CAST: variants seen among roughly 807,000 people sequenced by gnomAD.
CAST encodes the protein calpastatin, also known as MIR583 host.
In CAST, 76 loss-of-function variants were observed where a neutral mutation model predicts 119.6. That is an observed-to-expected ratio of 0.64 (90% CI 0.53 to 0.77). The LOEUF (loss-of-function observed/expected upper bound fraction) is 0.77. Among genes scored for constraint, CAST ranks in the 30% least tolerant of loss-of-function variants. CAST has a pLI of 0.00. For missense variants in CAST, 953 were observed against 946.5 expected (o/e 1.01, Z -0.09); for synonymous variants, 319 against 331.6 (o/e 0.96, Z 0.41).
At chr5:96,149,541 C>G in the CAST span, among the ~76,000 whole-genome samples, 77 of 152,280 alleles carry the variant, frequency 5.1e-4, 1 homozygote, top group East Asian at 0.013. Flanking sequence ...TTTTCCAAGG[C>G]TGCCCCTGTG....
chr5:96,425,033 AAAGAAAG>A, the CAST span, among the ~76,000 whole-genome samples: 2 of 102,226 alleles, frequency 2.0e-5, no homozygotes, highest in Admixed American at 8.7e-5. Flanking sequence ...AGAAAGAAAG[AAAGAAAG>A]AAAGAAAGAA....
At chr5:96,154,113 T>TA in the CAST span, among the ~76,000 whole-genome samples, 7 of 151,802 alleles carry the variant, frequency 4.6e-5, no homozygotes, top group African/African-American at 1.7e-4. Context: ...CCGTCTCTAC[T>TA]AAAAAAACCG....
At chr5:96,718,460 G>A (rs780134669) in intron 3 of CAST, among the ~76,000 whole-genome samples, 28 of 151,912 alleles carry the variant, frequency 1.8e-4, no homozygotes, top group Non-Finnish European at 3.5e-4. Flanking sequence ...TCACCTGGGC[G>A]ATGAAATAAT....
the CAST span, among the ~76,000 whole-genome samples, chr5:96,485,239 T>C: frequency 5.9e-5 from 9 of 152,092 alleles, no homozygotes; most frequent in Non-Finnish European, 1.0e-4. Flanking sequence ...GAAGGAACAA[T>C]ACGAACACTC....
At chr5:96,013,164 G>A in the CAST span, among the ~76,000 whole-genome samples, 2 of 150,174 alleles carry the variant, frequency 1.3e-5, no homozygotes, top group Admixed American at 6.7e-5. Flanking sequence ...ACATTCACTT[G>A]ATTCAAAAAT....
the CAST span, among the ~76,000 whole-genome samples, chr5:96,305,497 A>T: frequency 6.6e-6 from 1 of 152,312 alleles, no homozygotes; most frequent in African/African-American, 2.4e-5. Context: ...TATGTTGAAT[A>T]GGAGTGGTGA....
At chr5:96,288,646 G>A in the CAST span, among the ~76,000 whole-genome samples, 2 of 152,054 alleles carry the variant, frequency 1.3e-5, no homozygotes, top group East Asian at 1.9e-4. Context: ...AAAAGACTGG[G>A]AAACCTTAGA....
At chr5:95,961,434 G>T in the CAST span, 1 of 1,084,002 alleles carries the variant, frequency 9.2e-7, no homozygotes, top group Non-Finnish European at 1.2e-6. Context: ...ACCCTGCCCG[G>T]CCCTGCCCTG....
At chr5:96,004,780 A>G in the CAST span, among the ~76,000 whole-genome samples, 1 of 152,242 alleles carries the variant, frequency 6.6e-6, no homozygotes, top group Admixed American at 6.5e-5. Flanking sequence ...ATTTTTGAAT[A>G]TAGAAAACAG....
the CAST span, among the ~76,000 whole-genome samples, chr5:96,109,620 G>A: frequency 6.6e-5 from 10 of 152,286 alleles, no homozygotes; most frequent in South Asian, 2.1e-3. Flanking sequence ...TGGGGGTGAT[G>A]TTCCCATCTG....
the CAST span, among the ~76,000 whole-genome samples, chr5:96,396,493 A>G: frequency 6.6e-6 from 1 of 151,556 alleles, no homozygotes; most frequent in Non-Finnish European, 1.5e-5. Context: ...CCCAGGAGGC[A>G]GAGGTTGCAG....
the CAST span, among the ~76,000 whole-genome samples, chr5:96,508,019 T>TTATTATTAC: frequency 6.9e-6 from 1 of 145,216 alleles, no homozygotes; most frequent in African/African-American, 2.5e-5. Context: ...ATTATTATTA[T>TTATTATTAC]TATTATTATT....
At chr5:96,209,421 A>G in the CAST span, among the ~76,000 whole-genome samples, 1 of 151,894 alleles carries the variant, frequency 6.6e-6, no homozygotes, top group African/African-American at 2.4e-5. Context: ...TCAATGGTCT[A>G]TGAAATTAAG....
chr5:96,108,812 C>T, the CAST span, among the ~76,000 whole-genome samples: 1 of 152,264 alleles, frequency 6.6e-6, no homozygotes, highest in South Asian at 2.1e-4. Context: ...GGCAGGCGCC[C>T]CTCCCCCAGC....
chr5:96,516,259 G>A, the CAST span, among the ~76,000 whole-genome samples: 1 of 151,834 alleles, frequency 6.6e-6, no homozygotes, highest in African/African-American at 2.4e-5. Context: ...CAAATGCTGT[G>A]AACTGAAATG....
At chr5:96,563,817 G>A (rs1160096744) in intron 1 of CAST, among the ~76,000 whole-genome samples, 2 of 152,166 alleles carry the variant, frequency 1.3e-5, no homozygotes, top group Non-Finnish European at 2.9e-5. Flanking sequence ...GAGGACATTG[G>A]TGAGGTCTTC....
the CAST span, among the ~76,000 whole-genome samples, chr5:96,501,292 T>C: frequency 2.0e-5 from 3 of 152,208 alleles, no homozygotes; most frequent in Non-Finnish European, 2.9e-5. Context: ...AAACTCTTCA[T>C]TTAAAGATTA....
chr5:96,630,779 C>A (rs772531316), intron 1 of CAST, among the ~76,000 whole-genome samples: 1 of 149,324 alleles, frequency 6.7e-6, no homozygotes, highest in Admixed American at 6.7e-5. Context: ...GAGCAAGACT[C>A]CATCTCAAAA....
chr5:96,471,786 G>GTGTGTGTGTGTGTGTGTGTGTGTGTGTT, the CAST span, among the ~76,000 whole-genome samples: 209 of 149,512 alleles, frequency 1.4e-3, 1 homozygote, highest in African/African-American at 5.0e-3. Context: ...GTGTGTGTGT[G>GTGTGTGTGTGTGTGTGTGTGTGTGTGTT]TGTGTGTGTG....
Sources: gnomAD v4.1 joint callset for allele counts (sites outside exome capture counted in the v4.1 genomes callset) on GRCh38, gnomAD v4.1.1 for gene constraint, MANE v1.5 for transcripts, NCBI Gene and HGNC (gene_info 2026-07-23, HGNC 2026-07-21) for gene names.